LRRIQ1: variants seen among roughly 807,000 people sequenced by gnomAD.
The protein encoded by LRRIQ1 is leucine-rich repeat- and IQ domain-containing protein 1.
In LRRIQ1, 210 loss-of-function variants were observed where a neutral mutation model predicts 211.9. The ratio of observed to expected loss-of-function variants is 0.99; its 90% CI spans 0.89 to 1.11. The LOEUF is 1.11. Among genes scored for constraint, LRRIQ1 ranks in the 50% most tolerant of loss-of-function variants. The pLI, the probability that LRRIQ1 is intolerant of heterozygous loss-of-function variation, is 0.00. For missense variants in LRRIQ1, 2,136 were observed against 1,939.5 expected (o/e 1.10, Z -1.90); for synonymous variants, 699 against 650.1 (o/e 1.08, Z -1.14).
chr12:85,080,021 T>G (rs1339272659), intron 11 of LRRIQ1, among the ~76,000 whole-genome samples: 1 of 152,108 alleles, frequency 6.6e-6, no homozygotes, highest in Non-Finnish European at 1.5e-5. Context: ...CTGCTGGTGA[T>G]GAATTCTTCA....
At chr12:85,265,787 A>G (rs1183080012), downstream of LRRIQ1, among the ~76,000 whole-genome samples, 3 of 152,146 alleles carry the variant, frequency 2.0e-5, no homozygotes, top group East Asian at 1.9e-4. Flanking sequence ...AATTTTTTCA[A>G]TGTAAGTACT....
chr12:85,122,878 GACTCTTCACATTCCCT>G (rs1436175075), intron 16 of LRRIQ1, among the ~76,000 whole-genome samples: 1 of 151,894 alleles, frequency 6.6e-6, no homozygotes, highest in East Asian at 1.9e-4. Context: ...ATGTAAAGGT[GACTCTTCACATTCCCT>G]TGAAGTCCAA....
At chr12:85,069,425 G>C (rs993334944) in intron 10 of LRRIQ1, among the ~76,000 whole-genome samples, 2 of 152,022 alleles carry the variant, frequency 1.3e-5, no homozygotes, top group African/African-American at 4.8e-5. Flanking sequence ...CTTTATAACA[G>C]CATGATTTAT....
chr12:85,137,795 C>T, intron 18 of LRRIQ1, 55 bp from the exon 19 acceptor site: 10 of 1,423,336 alleles, frequency 7.0e-6, no homozygotes, highest in Non-Finnish European at 9.4e-6. Flanking sequence ...CACAGATAAT[C>T]TGGTTTAGGG....
intron 19 of LRRIQ1, among the ~76,000 whole-genome samples, chr12:85,141,796 A>G (rs910350050): frequency 1.3e-5 from 2 of 150,808 alleles, no homozygotes; most frequent in Admixed American, 6.6e-5. Context: ...TACAATTTTC[A>G]TTTGTTTTCT....
At chr12:85,148,534 T>C (rs1294008132) in intron 19 of LRRIQ1, among the ~76,000 whole-genome samples, 1 of 152,038 alleles carries the variant, frequency 6.6e-6, no homozygotes, top group Non-Finnish European at 1.5e-5. Context: ...CCATCTTTTC[T>C]TTATCTAGTC....
intron 19 of LRRIQ1, 87 bp downstream of exon 19, chr12:85,138,056 A>C (rs1349905384): frequency 2.5e-6 from 2 of 797,816 alleles, no homozygotes; most frequent in Non-Finnish European, 3.8e-6. Context: ...TAAGGTGTTT[A>C]TCCTATTAAT....
chr12:85,243,353 T>C (rs1225844609), intron 26 of LRRIQ1, among the ~76,000 whole-genome samples: 1 of 146,660 alleles, frequency 6.8e-6, no homozygotes, highest in East Asian at 2.0e-4. Flanking sequence ...ATTATTATTA[T>C]ACTTTAAGTT....
At chr12:85,086,400 T>C (rs1289690970) in intron 11 of LRRIQ1, among the ~76,000 whole-genome samples, 1 of 151,980 alleles carries the variant, frequency 6.6e-6, no homozygotes, top group African/African-American at 2.4e-5. Context: ...GGTTTAAAAG[T>C]GTGTAGCACC....
chr12:85,205,728 G>A (rs1188947728), intron 24 of LRRIQ1, among the ~76,000 whole-genome samples: 1 of 152,052 alleles, frequency 6.6e-6, no homozygotes, highest in Non-Finnish European at 1.5e-5. Flanking sequence ...TGTCTTTCTG[G>A]GAAGCCATTG....
chr12:85,166,545 A>C (rs1384441901), intron 24 of LRRIQ1, among the ~76,000 whole-genome samples: 1 of 152,216 alleles, frequency 6.6e-6, no homozygotes, highest in Admixed American at 6.5e-5. Flanking sequence ...TTAGAATTAT[A>C]AGCATTTTCT....
At chr12:85,262,539 T>A (rs1215905812) in intron 1 of LRRIQ1, among the ~76,000 whole-genome samples, 1 of 151,914 alleles carries the variant, frequency 6.6e-6, no homozygotes, top group Non-Finnish European at 1.5e-5. Flanking sequence ...TGTTTTATTA[T>A]AATAATATAA....
intron 3 of LRRIQ1, among the ~76,000 whole-genome samples, chr12:85,042,491 TAA>T (rs1879012730): frequency 6.7e-6 from 1 of 148,458 alleles, no homozygotes; most frequent in Non-Finnish European, 1.5e-5. Flanking sequence ...ATTATCATCA[TAA>T]GTTTATTATT....
intron 8 of LRRIQ1, among the ~76,000 whole-genome samples, chr12:85,058,829 A>C (rs1334714076): frequency 6.6e-6 from 1 of 151,968 alleles, no homozygotes; most frequent in Non-Finnish European, 1.5e-5. Context: ...CTAAATGATG[A>C]TGTTGGTGCT....
rs374220100 is a variant in LRRIQ1 at position 85,181,240 on chromosome 12, T to G, written c.4822+20526T>G. On this transcript the variant is annotated intron_variant, in intron 24 of 26. Coordinates refer to ENST00000393217, the MANE Select transcript of LRRIQ1 (RefSeq NM_001079910.2). ...TCCCCCACTTAGAGATAAAATATTT[T>G]CATTCAGATGTTGATATATGCTTTA... Among the ~76,000 whole-genome samples, 17 of 151,932 alleles carry G rather than the reference T, an allele frequency of 1.1e-4. 1 individual carries two copies. In the East Asian group the frequency reaches 1.7e-3, roughly 15 times the overall value.
intron 24 of LRRIQ1, among the ~76,000 whole-genome samples, chr12:85,178,904 T>C (rs1052909800): frequency 1.4e-5 from 2 of 140,358 alleles, no homozygotes; most frequent in Non-Finnish European, 3.1e-5. Context: ...GCACATAGTC[T>C]CTGTCTTTAA....
At chr12:85,067,815 A>G (rs1592731018) in intron 10 of LRRIQ1, among the ~76,000 whole-genome samples, 1 of 152,074 alleles carries the variant, frequency 6.6e-6, no homozygotes, top group East Asian at 1.9e-4. Flanking sequence ...ACAAAAGAGA[A>G]AATGAAAAAA....
At chr12:85,089,783 G>T (rs1040732404) in intron 11 of LRRIQ1, among the ~76,000 whole-genome samples, 1 of 152,168 alleles carries the variant, frequency 6.6e-6, no homozygotes, top group Non-Finnish European at 1.5e-5. Context: ...AACGTTTGGA[G>T]AATTTTCAGT....
chr12:85,061,625 A>C (rs572955742), intron 8 of LRRIQ1, among the ~76,000 whole-genome samples: 1 of 151,894 alleles, frequency 6.6e-6, no homozygotes, highest in East Asian at 1.9e-4. Context: ...TATAATGTTG[A>C]GTAGCATTTG....
Sources: gnomAD v4.1 joint callset for allele counts (sites outside exome capture counted in the v4.1 genomes callset) on GRCh38, gnomAD v4.1.1 for gene constraint, MANE v1.5 for transcripts, NCBI Gene and HGNC (gene_info 2026-07-23, HGNC 2026-07-21) for gene names.